RNF146: variants seen among roughly 807,000 people sequenced by gnomAD.
The protein encoded by RNF146 is ring finger protein 146, also known as E3 ubiquitin-protein ligase RNF146.
Under a neutral mutation model 29.7 loss-of-function variants are expected in RNF146, and 11 were observed. The observed-to-expected ratio is 0.37, with a 90% CI of 0.23 to 0.61. The LOEUF is 0.61. RNF146 is among the 20% of genes least tolerant of loss of function. The pLI is 0.66. For synonymous variants in RNF146, 150 were observed against 159.7 expected, an observed-to-expected ratio of 0.94 and a Z score of 0.46; for missense variants, 342 against 438.9, an observed-to-expected ratio of 0.78 and a Z score of 1.97.
At chr6:127,283,136 T>C (rs146434181) in intron 2 of RNF146, among the ~76,000 whole-genome samples, 2 of 151,794 alleles carry the variant, frequency 1.3e-5, no homozygotes, top group South Asian at 2.1e-4. Context: ...TTAGTATTAA[T>C]AGACTCTTAT....
intron 2 of RNF146, 53 bp downstream of exon 2, chr6:127,280,393 G>C: frequency 6.5e-7 from 1 of 1,533,346 alleles, no homozygotes; most frequent in Non-Finnish European, 8.8e-7. Context: ...AAATGGATTG[G>C]TTTAACGTGT....
chr6:127,268,644 A>G lies in RNF146; in HGVS notation c.-109+1719A>G, dbSNP rs151138755. Reference sequence around the variant, plus strand: ...AAATGAGCCAGTGTATCATGTGGGCAGACTGGAAATACATTTAAATATTTT... The same window carrying G: ...AAATGAGCCAGTGTATCATGTGGGCGGACTGGAAATACATTTAAATATTTT... On this transcript the variant is annotated intron_variant, in intron 1 of 2. Transcript: ENST00000368314. Among the ~76,000 whole-genome samples, 64 of 152,342 alleles carry G rather than the reference A, an allele frequency of 4.2e-4. No homozygotes were observed. The East Asian group carries it at 0.011, about 27-fold the overall frequency.
rs768301618 is a variant in RNF146, at chr6:127,286,598, ATATG to A, written c.3-14_3-11del. 6.7e-5 allele frequency: 106 copies of A among 1,581,262 alleles called. No individual in the cohort carries two copies. The highest frequency in any genetic ancestry group is 4.9e-4 in the African/African-American group (36 of 73,524). On this transcript the variant is annotated splice_polypyrimidine_tract_variant and intron_variant, in intron 2 of 2. Transcript: ENST00000368314. This position sits in a 1 kb window ranked among gnomAD's most constrained non-coding sequence, Gnocchi z 4.6. ...AGAATTAAAACATGACTTTAATATTATATGTATTTTTTCTTAGGATGGCTGGCTG... is the reference window on the plus strand; with the variant it reads ...AGAATTAAAACATGACTTTAATATTATATTTTTTCTTAGGATGGCTGGCTG...
intron 1 of RNF146, among the ~76,000 whole-genome samples, chr6:127,267,851 T>G (rs900265229): frequency 6.6e-6 from 1 of 151,978 alleles, no homozygotes; most frequent in African/African-American, 2.4e-5. Flanking sequence ...TCTGAAGGAG[T>G]GTGGGTCTTC....
intron 2 of RNF146, chr6:127,285,953 T>C (rs763855105): frequency 1.1e-6 from 1 of 924,532 alleles, no homozygotes; most frequent in Non-Finnish European, 1.4e-6. Flanking sequence ...TTAGTAAATG[T>C]TTATCTGAAT....
chr6:127,287,648 C>G lies in RNF146; in HGVS notation c.1035C>G (p.Val345=), dbSNP rs1326281914. ...VAGGGTVSVS[V]RSRRPDGQCT... is the part of the protein sequence containing the mutation. ...GGGGTGGAACAGTGAGTGTCAGTGT[C>G]AGATCTAGAAGGCCTGATGGACAGT... is the stretch of plus-strand genomic sequence containing the variant. Residue 345 remains valine (V), a synonymous_variant, in exon 3 of 3, where the codon GTC becomes GTG. Coordinates refer to ENST00000368314, the MANE Select transcript of RNF146 (RefSeq NM_001242850.2). The G allele has an allele frequency of 1.9e-6, 3 of 1,608,402 alleles. No homozygotes were observed. The highest frequency in any genetic ancestry group is 2.2e-5 in the South Asian group (2 of 90,714).
In RNF146 at chr6:127,286,491, C is replaced by T; in HGVS notation, c.3-125C>T. 2.2e-6 allele frequency: 2 copies of T among 917,260 alleles called. No individual in the cohort carries two copies. The highest frequency in any genetic ancestry group is 3.2e-6 in the Non-Finnish European group (2 of 625,708). The allele number at this position is 917,260 out of a possible 1,614,324, so 56.8% of individuals were successfully genotyped here. A position where few individuals can be genotyped will look rare whatever the true frequency, so the allele number is the denominator to read the frequency against. On this transcript the variant is annotated intron_variant, in intron 2 of 2. Transcript: ENST00000368314. This position sits in a 1 kb window ranked among gnomAD's most constrained non-coding sequence, Gnocchi z 4.6. ...TTTCCTCTACTTTCATCTTCATATC[C>T]CCATTGTCTAGTATGTGGCTTGCAT...
In RNF146 at chr6:127,280,506, G is replaced by A. The variant is rs190288508; in HGVS notation, c.2+166G>A. The A allele has an allele frequency of 9.3e-4, 1,164 of 1,257,534 alleles. 5 individuals carry two copies. The highest frequency in any genetic ancestry group is 2.9e-3 in the African/African-American group (187 of 64,882). The allele number at this position is 1,257,534 out of a possible 1,614,324, so 77.9% of individuals were successfully genotyped here. On this transcript the variant is annotated intron_variant, in intron 2 of 2. Transcript: ENST00000368314. ...AACAATTTATTTACATTAAGTTATC[G>A]TTAATGTAGATTTCCAAGTCTCCTC... is the stretch of plus-strand genomic sequence containing the variant.
chr6:127,272,770 C>T (rs1036539199), intron 1 of RNF146, among the ~76,000 whole-genome samples: 1 of 152,080 alleles, frequency 6.6e-6, no homozygotes, highest in Admixed American at 6.6e-5. Context: ...GGGTGCCAAC[C>T]CCTTGCACAA....
In RNF146 at chr6:127,276,910, C is replaced by G. The variant is rs9401946; in HGVS notation, c.-108-3321C>G. Among the ~76,000 whole-genome samples the G allele has an allele frequency of 1.7e-3, 252 of 152,082 alleles. 9 individuals carry two copies. The East Asian group carries it at 0.046, about 28-fold the overall frequency. On this transcript the variant is annotated intron_variant, in intron 1 of 2. Transcript: ENST00000368314. ...TGGGGTGAGATTCCTAGGTTTAAAC[C>G]TATGTCTACTGGCCTAGAATTTCTA...
At chr6:127,268,009 A>G (rs1388413330) in intron 1 of RNF146, among the ~76,000 whole-genome samples, 2 of 152,234 alleles carry the variant, frequency 1.3e-5, no homozygotes, top group Admixed American at 1.3e-4. Context: ...TTTCTCGTTA[A>G]TCATATTGGT....
At chr6:127,271,465 A>C (rs1777490232) in intron 1 of RNF146, among the ~76,000 whole-genome samples, 1 of 152,174 alleles carries the variant, frequency 6.6e-6, no homozygotes, top group Non-Finnish European at 1.5e-5. Context: ...CTTCGGCAAA[A>C]GTCTAGGTAA....
chr6:127,285,393 T>G (rs1298884678), intron 2 of RNF146: 61 of 945,950 alleles, frequency 6.4e-5, no homozygotes, highest in Non-Finnish European at 7.6e-5. Flanking sequence ...ACTGACCCAT[T>G]TAGAATGGCA....
chr6:127,267,563 C>G (rs1369856717), intron 1 of RNF146, among the ~76,000 whole-genome samples: 2 of 152,120 alleles, frequency 1.3e-5, no homozygotes, highest in Non-Finnish European at 2.9e-5. Flanking sequence ...CGGAGTGTCT[C>G]TGGCTGCTGC....
At chr6:127,275,394 C>G (rs1778060656) in intron 1 of RNF146, among the ~76,000 whole-genome samples, 2 of 152,060 alleles carry the variant, frequency 1.3e-5, no homozygotes, top group Admixed American at 6.6e-5. Flanking sequence ...CTTGAGTTCA[C>G]AATTAGAACT....
Position 127,286,257 on chromosome 6 carries a change from A to G in RNF146, c.3-359A>G. The G allele has an allele frequency of 9.2e-7, 1 of 1,082,958 alleles. No homozygotes were observed. Among genetic ancestry groups the G allele is most frequent in the Non-Finnish European group, 1.2e-6 (1 of 851,694 alleles). The allele number at this position is 1,082,958 out of a possible 1,614,324, so 67.1% of individuals were successfully genotyped here. A position where few individuals can be genotyped will look rare whatever the true frequency, so the allele number is the denominator to read the frequency against. On this transcript the variant is annotated intron_variant, in intron 2 of 2. Transcript: ENST00000368314. This position sits in a 1 kb window ranked among gnomAD's most constrained non-coding sequence, Gnocchi z 4.6. ...AAAGGACTCTAAAACTCAGATTTTT[A>G]GATTTCTTGTCTAGCATTCATTTCA...
chr6:127,285,015 G>A (rs2326567), intron 2 of RNF146, among the ~76,000 whole-genome samples: 110,688 of 151,734 alleles, frequency 0.73, 40,544 homozygotes, highest in East Asian at 0.78. Context: ...TAGGTTAGGA[G>A]AAAGTTGTAC....
At chr6:127,284,612 G>A (rs1441144759) in intron 2 of RNF146, among the ~76,000 whole-genome samples, 1 of 151,868 alleles carries the variant, frequency 6.6e-6, no homozygotes. Flanking sequence ...TTTTAGGGGA[G>A]GAAATAGGCA....
chr6:127,274,115 A>C (rs189675617), intron 1 of RNF146, among the ~76,000 whole-genome samples: 4 of 152,104 alleles, frequency 2.6e-5, no homozygotes, highest in African/African-American at 9.7e-5. Flanking sequence ...GAATTTAATC[A>C]TTAGTCTTCA....
Sources: allele counts gnomAD v4.1 joint callset (sites outside exome capture counted in the v4.1 genomes callset), GRCh38; gene constraint gnomAD v4.1.1; non-coding constraint Gnocchi (gnomAD v3.1); transcripts MANE v1.5; gene names NCBI Gene and HGNC (gene_info 2026-07-23, HGNC 2026-07-21).